DIAPH1: variants seen among roughly 807,000 people sequenced by gnomAD.
DIAPH1 encodes the protein diaphanous related formin 1.
DIAPH1 carries 46 observed loss-of-function variants against 140.7 expected under a neutral mutation model. The observed-to-expected ratio is 0.33, with a 90% CI of 0.26 to 0.42. DIAPH1 has a LOEUF of 0.42. Among genes scored for constraint, DIAPH1 ranks in the 10% least tolerant of loss-of-function variants. The pLI, the probability that DIAPH1 is intolerant of heterozygous loss-of-function variation, is 1.00. For missense variants in DIAPH1, 1,310 were observed against 1,558.7 expected, an observed-to-expected ratio of 0.84 and a Z score of 2.69; for synonymous variants, 565 against 551.6, an observed-to-expected ratio of 1.02 and a Z score of -0.34.
At chr5:141,521,571 G>A (rs927702970) in intron 27 of DIAPH1, among the ~76,000 whole-genome samples, 4 of 152,172 alleles carry the variant, frequency 2.6e-5, no homozygotes, top group African/African-American at 7.2e-5. Context: ...TCCAGAGACC[G>A]GAAGAATTTA....
chr5:141,576,912 A>T (rs775409291), intron 12 of DIAPH1, 41 bp from the exon 13 acceptor site: 2 of 1,256,480 alleles, frequency 1.6e-6, no homozygotes, highest in Non-Finnish European at 2.3e-6. Flanking sequence ...GGAAAATCAA[A>T]ATATAATTTT....
rs1238804521 is a variant in DIAPH1 at position 141,573,888 on chromosome 5, G to A, written c.1962C>T (p.Pro654=). ...PLSGDATIPP[P]PPLPEGVGIP... ...TGCCAACACCCTCAGGCAAAGGAGG[G>A]GGTGGAGGGATGGTAGCATCCCCAG... The change falls in exon 16 of 28, where the codon CCC becomes CCT. Residue 654 remains proline (P), a synonymous_variant. Coordinates refer to ENST00000389054, the MANE Select transcript of DIAPH1 (RefSeq NM_005219.5). 4 of 1,545,182 alleles carry A rather than the reference G, an allele frequency of 2.6e-6. No individual in the cohort carries two copies. In the South Asian group the frequency reaches 3.7e-5, roughly 14 times the overall value.
chr5:141,577,422 A>T lies in DIAPH1; in HGVS notation c.1280+53T>A. ...AACAATCTTTGAATTTAAGGAATTC[A>T]CTCTCTCCACTTAGGCTCAAATTCA... On this transcript the variant is annotated intron_variant, in intron 12 of 27. Coordinates refer to ENST00000389054, the MANE Select transcript of DIAPH1 (RefSeq NM_005219.5). 7.4e-6 allele frequency: 9 copies of T among 1,221,654 alleles called. No individual in the cohort carries two copies. The South Asian group carries it at 1.1e-4, about 15-fold the overall frequency. 75.7% of individuals were successfully genotyped at this position (1,221,654 alleles called of 1,614,324 possible).
intron 18 of DIAPH1, among the ~76,000 whole-genome samples, chr5:141,551,704 G>A (rs1017063679): frequency 6.6e-6 from 1 of 152,120 alleles, no homozygotes; most frequent in African/African-American, 2.4e-5. Flanking sequence ...ATAGTACAAT[G>A]CCTACTCCAT....
At chr5:141,617,214 T>G (rs554655041) in intron 1 of DIAPH1, among the ~76,000 whole-genome samples, 5 of 151,514 alleles carry the variant, frequency 3.3e-5, no homozygotes, top group Non-Finnish European at 7.4e-5. Context: ...GAGGGGTCAA[T>G]TCTTATCCTA....
Position 141,553,024 on chromosome 5 carries a change from C to T in DIAPH1, c.2482+18404G>A, listed in dbSNP as rs371450844. 3.3e-5 allele frequency among the ~76,000 whole-genome samples: 5 copies of T among 152,312 alleles called. No individual in the cohort carries two copies. In the East Asian group the frequency reaches 7.7e-4, roughly 23 times the overall value. On this transcript the variant is annotated intron_variant, in intron 18 of 27. Coordinates refer to ENST00000389054, the MANE Select transcript of DIAPH1 (RefSeq NM_005219.5). ...GGGATGTGAGCCAGGCATGGTGGCTCACACCTGTAATCCCAGCACTTTGGG... is the reference window on the plus strand; with the variant it reads ...GGGATGTGAGCCAGGCATGGTGGCTTACACCTGTAATCCCAGCACTTTGGG...
intron 27 of DIAPH1, among the ~76,000 whole-genome samples, chr5:141,518,119 T>C (rs1298676663): frequency 1.3e-5 from 2 of 152,040 alleles, no homozygotes; most frequent in Non-Finnish European, 2.9e-5. Context: ...AATAGACTGG[T>C]GGTTGCCAGA....
rs2099896144 is a variant in DIAPH1, at chr5:141,577,573, A to G, written c.1182T>C (p.Phe394=). ...RMEMDDFNEV[F]QILLNTVKDS... ...CCTTCACTGTGTTTAAGAGAATCTG[A>G]AAGACTTCATTAAAGTCAGTGGAAA... is the stretch of plus-strand genomic sequence containing the variant. Residue 394 remains phenylalanine (F), a synonymous_variant, in exon 12 of 28, where the codon TTT becomes TTC. Transcript: ENST00000389054. 3 of 1,611,852 alleles carry G rather than the reference A, an allele frequency of 1.9e-6. No individual in the cohort carries two copies. The highest frequency in any genetic ancestry group is 1.7e-6 in the Non-Finnish European group (2 of 1,177,948).
Position 141,573,751 on chromosome 5 carries a change from A to C in DIAPH1, c.2099T>G (p.Ile700Ser). The change falls in exon 16 of 28, where the codon ATT (isoleucine) becomes AGT (serine). Residue 700 changes from isoleucine to serine, a missense_variant. Physicochemically the swap from Ile to Ser is moderately radical, Grantham distance 142. Transcript: ENST00000389054. ...AGGCAAGGGAGGAGGTGGGGGGGGA[A>C]TTCCAGCACTCCCAGGCAAAGGAGG... ...PPPPLPGSAG[I>S]PPPPPPLPGE... 7.8e-7 allele frequency: 1 copy of C among 1,276,084 alleles called. No individual in the cohort carries two copies. Among genetic ancestry groups the C allele is most frequent in the Non-Finnish European group, 1.0e-6 (1 of 973,548 alleles). 79.0% of individuals were successfully genotyped at this position (1,276,084 alleles called of 1,614,324 possible). A position where few individuals can be genotyped will look rare whatever the true frequency, so the allele number is the denominator to read the frequency against.
chr5:141,540,653 G>T (rs1260091860), intron 18 of DIAPH1, among the ~76,000 whole-genome samples: 2 of 150,422 alleles, frequency 1.3e-5, no homozygotes, highest in Non-Finnish European at 3.0e-5. Context: ...TGACCTCAGG[G>T]GATCCACTCA....
At chr5:141,533,490 T>C (rs1223217617) in intron 19 of DIAPH1, among the ~76,000 whole-genome samples, 1 of 152,194 alleles carries the variant, frequency 6.6e-6, no homozygotes, top group Non-Finnish European at 1.5e-5. Flanking sequence ...AAATTTACCT[T>C]AGTTATTTTA....
chr5:141,596,578 A>C lies in DIAPH1; in HGVS notation c.118-8328T>G, dbSNP rs187909423. Among the ~76,000 whole-genome samples, 434 of 152,288 alleles carry C rather than the reference A, an allele frequency of 2.8e-3. 1 individual carries two copies. The highest frequency in any genetic ancestry group is 0.021 in the Admixed American group (318 of 15,298). On this transcript the variant is annotated intron_variant, in intron 1 of 27. Transcript: ENST00000389054. ...CACTGCAATTCATAACAATATAAAA[A>C]AGTAAAATATTTCATTAATAATTTT...
chr5:141,599,917 C>T (rs564025346), intron 1 of DIAPH1, among the ~76,000 whole-genome samples: 2 of 151,998 alleles, frequency 1.3e-5, no homozygotes, highest in Admixed American at 1.3e-4. Flanking sequence ...GTTTTTGAGA[C>T]AAGGTCTCAC....
At chr5:141,610,780 C>T (rs1259596850) in intron 1 of DIAPH1, among the ~76,000 whole-genome samples, 1 of 151,438 alleles carries the variant, frequency 6.6e-6, no homozygotes, top group African/African-American at 2.4e-5. Context: ...AAAAATAAAA[C>T]ATAAAAAAAA....
intron 18 of DIAPH1, among the ~76,000 whole-genome samples, chr5:141,548,439 A>C (rs1014029886): frequency 1.3e-5 from 2 of 152,170 alleles, no homozygotes; most frequent in African/African-American, 4.8e-5. Context: ...GAAATACAAA[A>C]ATGTAGACAG....
rs1348974817 is a variant in DIAPH1, at chr5:141,526,432, A to G, written c.3303T>C (p.Tyr1101=). The G allele has an allele frequency of 1.2e-6, 2 of 1,614,172 alleles. No individual in the cohort carries two copies. Among genetic ancestry groups the G allele is most frequent in the Non-Finnish European group, 8.5e-7 (1 of 1,180,034 alleles). The change falls in exon 25 of 28, where the codon TAT becomes TAC. Residue 1101 remains tyrosine (Y), a synonymous_variant. Coordinates refer to ENST00000389054, the MANE Select transcript of DIAPH1 (RefSeq NM_005219.5). ...TSFVKDAQEQ[Y]NKLRMMHSNM... is the part of the protein sequence containing the mutation. ...TAGAATGCATCATCCGCAGCTTGTTATACTGTTCCTGTGCATCCTTCACAA... is the reference window on the plus strand; with the variant it reads ...TAGAATGCATCATCCGCAGCTTGTTGTACTGTTCCTGTGCATCCTTCACAA...
intron 3 of DIAPH1, among the ~76,000 whole-genome samples, chr5:141,584,710 A>G (rs1435388549): frequency 6.6e-6 from 1 of 152,124 alleles, no homozygotes; most frequent in African/African-American, 2.4e-5. Flanking sequence ...AAAGAACTGG[A>G]AACTCTATGA....
chr5:141,594,954 T>C (rs918705877), intron 1 of DIAPH1, among the ~76,000 whole-genome samples: 1 of 148,356 alleles, frequency 6.7e-6, no homozygotes, highest in African/African-American at 2.5e-5. Flanking sequence ...GGCAGGAGAA[T>C]CACTTGAAAC....
chr5:141,575,407 G>A (rs2099895809), intron 14 of DIAPH1, among the ~76,000 whole-genome samples: 2 of 152,280 alleles, frequency 1.3e-5, no homozygotes, highest in African/African-American at 4.8e-5. Flanking sequence ...CCAGCACTTC[G>A]GGAGGCCGAG....
Sources: gnomAD v4.1 joint callset for allele counts (sites outside exome capture counted in the v4.1 genomes callset) on GRCh38, gnomAD v4.1.1 for gene constraint, MANE v1.5 for transcripts, NCBI Gene and HGNC (gene_info 2026-07-23, HGNC 2026-07-21) for gene names.